The following MAL variants were observed in gnomAD, a reference collection of about 807,000 sequenced individuals.
The protein encoded by MAL is mal, T cell differentiation protein (MAL blood group), also known as myelin and lymphocyte protein.
Under a neutral mutation model 16.7 loss-of-function variants are expected in MAL, and 5 were observed. The ratio of observed to expected loss-of-function variants is 0.30; its 90% CI spans 0.16 to 0.63. MAL has a LOEUF of 0.63. Among genes scored for constraint, MAL ranks in the 30% least tolerant of loss-of-function variants. The pLI is 0.82. For synonymous variants in MAL, 96 were observed against 85.5 expected (o/e 1.12, Z -0.67); for missense variants, 202 against 195.8 (o/e 1.03, Z -0.19).
chr2:95,036,203 G>A (rs1019013380), intron 1 of MAL, among the ~76,000 whole-genome samples: 15 of 152,238 alleles, frequency 9.9e-5, no homozygotes, highest in African/African-American at 3.6e-4. Context: ...CCGCTCCCAG[G>A]GTTCTCTTTG....
intron 1 of MAL, 63 bp from the exon 2 acceptor site, chr2:95,047,896 G>T (rs1573300781): frequency 6.5e-7 from 1 of 1,534,738 alleles, no homozygotes. Flanking sequence ...CCGCTGGTCG[G>T]GGGCCCTTCC....
At chr2:95,049,758 C>A in intron 3 of MAL, 52 bp downstream of exon 3, 1 of 1,608,164 alleles carries the variant, frequency 6.2e-7, no homozygotes, top group Non-Finnish European at 8.5e-7. Context: ...CCGTGGCTGG[C>A]AGGGTGTGTG....
At chr2:95,034,572 G>A (rs1674161743) in intron 1 of MAL, among the ~76,000 whole-genome samples, 1 of 152,192 alleles carries the variant, frequency 6.6e-6, no homozygotes, top group Non-Finnish European at 1.5e-5. Flanking sequence ...CATCAGTTCA[G>A]GGAGGGGGCA....
chr2:95,049,932 G>T (rs551892149), intron 3 of MAL, among the ~76,000 whole-genome samples: 2 of 152,312 alleles, frequency 1.3e-5, no homozygotes, highest in South Asian at 4.1e-4. Context: ...CCCCAGGCCT[G>T]CGTGGGCTTT....
intron 1 of MAL, among the ~76,000 whole-genome samples, chr2:95,037,043 G>A (rs1456016562): frequency 1.3e-5 from 2 of 151,806 alleles, no homozygotes; most frequent in Admixed American, 6.6e-5. Context: ...CTGAGTGGGT[G>A]AGTGAGTGAC....
chr2:95,032,270 G>C (rs903359693), intron 1 of MAL, among the ~76,000 whole-genome samples: 14 of 152,264 alleles, frequency 9.2e-5, no homozygotes, highest in African/African-American at 3.4e-4. Flanking sequence ...TGCCAGCACA[G>C]ACTAGCTCTG....
intron 1 of MAL, among the ~76,000 whole-genome samples, chr2:95,030,650 C>T (rs775168417): frequency 2.6e-5 from 4 of 152,192 alleles, no homozygotes; most frequent in Non-Finnish European, 4.4e-5. Context: ...ACTCAGCCCC[C>T]TCCTCCCCAG....
At position 95,034,857 on chromosome 2, in the gene MAL, C is replaced by T. The variant is rs78021477; in HGVS notation, c.93+8972C>T. The stretch of plus-strand genomic sequence containing the variant: ...ACCGGGAAGCCCACCCTTCTAGCAC[C>T]CTTTCCTGGCACTCAGAGCACATCC... On this transcript the variant is annotated intron_variant, in intron 1 of 3. Transcript: ENST00000309988. Among the ~76,000 whole-genome samples, 383 of 152,266 alleles carry T rather than the reference C, an allele frequency of 2.5e-3. 16 individuals are homozygous for T. The East Asian group carries it at 0.056, about 22-fold the overall frequency.
chr2:95,030,126 T>C (rs1032831926), intron 1 of MAL, among the ~76,000 whole-genome samples: 1 of 152,018 alleles, frequency 6.6e-6, no homozygotes, highest in Non-Finnish European at 1.5e-5. Flanking sequence ...CAGCTCAGGG[T>C]GGGGCATAGC....
chr2:95,047,351 A>G (rs916463381), intron 1 of MAL, among the ~76,000 whole-genome samples: 1 of 152,226 alleles, frequency 6.6e-6, no homozygotes, highest in African/African-American at 2.4e-5. Context: ...TATTATTTGT[A>G]AAGTGCTTAG....
At chr2:95,030,341 C>T (rs1044389128) in intron 1 of MAL, among the ~76,000 whole-genome samples, 14 of 152,206 alleles carry the variant, frequency 9.2e-5, no homozygotes, top group Admixed American at 6.5e-5. Context: ...ATAGCCAATG[C>T]TCTCCCCTCC....
intron 2 of MAL, among the ~76,000 whole-genome samples, chr2:95,048,364 T>A (rs1674637968): frequency 6.6e-6 from 1 of 152,138 alleles, no homozygotes; most frequent in South Asian, 2.1e-4. Flanking sequence ...CCTGCATGAC[T>A]GCCTTTCCAT....
chr2:95,042,989 T>G (rs1467937088), intron 1 of MAL, among the ~76,000 whole-genome samples: 1 of 152,190 alleles, frequency 6.6e-6, no homozygotes, highest in Admixed American at 6.5e-5. Context: ...AATCTCAGCT[T>G]TGCACACAGC....
intron 1 of MAL, among the ~76,000 whole-genome samples, chr2:95,039,162 GGGTGAGTGAGTGACTT>G (rs1258680180): frequency 4.8e-5 from 7 of 146,292 alleles, no homozygotes; most frequent in Middle Eastern, 3.6e-3. Context: ...GTGACTGAAT[GGGTGAGTGAGTGACTT>G]GGTGAGTGAG....
At position 95,038,777 on chromosome 2, in the gene MAL, T is replaced by C. The variant is rs541057897; in HGVS notation, c.94-9182T>C. ...CTGACTGAGTGAGTGACTGAGTGAG[T>C]GAGCAAGTGAGTGAGTGACTGAGTG... On this transcript the variant is annotated intron_variant, in intron 1 of 3. Transcript: ENST00000309988. Among the ~76,000 whole-genome samples, 1,074 of 151,026 alleles carry C rather than the reference T, an allele frequency of 7.1e-3. 5 individuals carry two copies. The highest frequency in any genetic ancestry group is 0.012 in the Non-Finnish European group (802 of 67,646).
chr2:95,042,495 C>T (rs1674492193), intron 1 of MAL, among the ~76,000 whole-genome samples: 1 of 152,130 alleles, frequency 6.6e-6, no homozygotes, highest in Non-Finnish European at 1.5e-5. Context: ...GGCCCCACTC[C>T]CATCTTCTAA....
intron 2 of MAL, among the ~76,000 whole-genome samples, chr2:95,049,108 A>G (rs574819619): frequency 3.9e-5 from 6 of 152,294 alleles, no homozygotes; most frequent in Middle Eastern, 3.4e-3. Context: ...ATGAGCCACC[A>G]CGCCCAGCCC....
At position 95,030,069 on chromosome 2, in the gene MAL, G is replaced by A. The variant is rs541887238; in HGVS notation, c.93+4184G>A. Reference sequence around the variant, plus strand: ...ATGTCCAAGCTGATCCGGGTGGAGCGCCACTTCCATGGTGAGGGGACTGCC... The same window carrying A: ...ATGTCCAAGCTGATCCGGGTGGAGCACCACTTCCATGGTGAGGGGACTGCC... On this transcript the variant is annotated intron_variant, in intron 1 of 3. Coordinates refer to ENST00000309988, the MANE Select transcript of MAL (RefSeq NM_002371.4). 5.9e-5 allele frequency among the ~76,000 whole-genome samples: 9 copies of A among 152,268 alleles called. No homozygotes were observed. In the South Asian group the frequency reaches 6.2e-4, roughly 11 times the overall value.
At chr2:95,038,300 C>G (rs1396672815) in intron 1 of MAL, among the ~76,000 whole-genome samples, 1 of 119,914 alleles carries the variant, frequency 8.3e-6, no homozygotes, top group Non-Finnish European at 1.8e-5. Context: ...GAGTGAGTGA[C>G]TTGGTGAGTG....
Sources: gnomAD v4.1 joint callset for allele counts (sites outside exome capture counted in the v4.1 genomes callset) on GRCh38, gnomAD v4.1.1 for gene constraint, MANE v1.5 for transcripts, NCBI Gene and HGNC (gene_info 2026-07-23, HGNC 2026-07-21) for gene names.